Variants in MCF2 observed in about 807,000 individuals in gnomAD.
MCF2 encodes MCF.2 cell line derived transforming sequence.
In MCF2, 44 loss-of-function variants were observed where a neutral mutation model predicts 82.5. That is an observed-to-expected ratio of 0.53 (90% CI 0.42 to 0.69). The LOEUF (loss-of-function observed/expected upper bound fraction) is 0.69, where lower values mean the gene tolerates loss of function less well. Ranked by LOEUF, MCF2 falls within the 30% of genes least tolerant of loss-of-function variation. The pLI is 0.00. For synonymous variants in MCF2, 217 were observed against 224.9 expected (o/e 0.96, Z 0.32); for missense variants, 623 against 663.1 (o/e 0.94, Z 0.66).
chrX:139,645,754 G>T (rs1933781745), upstream of MCF2: 1 of 499,018 alleles, frequency 2.0e-6, no homozygotes, highest in Non-Finnish European at 3.4e-6. Context: ...ATCTACATTT[G>T]ATGTCTTGAC....
chrX:139,653,169 T>C (rs1934088455), intron 1 of MCF2, among the ~76,000 whole-genome samples: 1 of 112,096 alleles, frequency 8.9e-6, no homozygotes, highest in East Asian at 2.8e-4. Flanking sequence ...AATGTGTTTA[T>C]AACAGCTACA....
At chrX:139,697,374 G>A (rs867238538) in intron 1 of MCF2, among the ~76,000 whole-genome samples, 15 of 112,038 alleles carry the variant, frequency 1.3e-4, no homozygotes, top group African/African-American at 4.9e-4. Context: ...ATCCAGCCAT[G>A]ACTGAAGAAA....
chrX:139,651,786 T>C lies in MCF2; in HGVS notation c.-42A>G, dbSNP rs372656291. ...TCCTTTATACGGAGGAGCAGATCGG[T>C]TTCTATGACAAACGAAAATAGAAGA... On this transcript the variant is annotated splice_region_variant and 5_prime_UTR_variant, in exon 2 of 28. Coordinates refer to the MCF2 transcript ENST00000414978. 21 of 1,127,024 alleles carry C rather than the reference T, an allele frequency of 1.9e-5. No homozygotes were observed. The highest frequency in any genetic ancestry group is 2.5e-5 in the Non-Finnish European group (21 of 839,208). 92.9% of individuals were successfully genotyped at this position (1,127,024 alleles called of 1,213,427 possible). A position where few individuals can be genotyped will look rare whatever the true frequency, so the allele number is the denominator to read the frequency against.
chrX:139,621,389 G>A (rs984615596), intron 6 of MCF2, among the ~76,000 whole-genome samples: 9 of 111,528 alleles, frequency 8.1e-5, no homozygotes, highest in Non-Finnish European at 1.7e-4. Flanking sequence ...AACCAAAGAA[G>A]CTATCAACAG....
rs776716306 is a variant in MCF2, at chrX:139,692,223, G to A, written c.-45+15883C>T. 5.9e-6 allele frequency: 4 copies of A among 678,850 alleles called. No individual in the cohort carries two copies. In the East Asian group the frequency reaches 1.1e-4, roughly 19 times the overall value. The allele number at this position is 678,850 out of a possible 1,213,427, so 55.9% of individuals were successfully genotyped here. On this transcript the variant is annotated intron_variant, in intron 1 of 27. Transcript: ENST00000414978. ...CCGGGCAGGGCCGCTACTCCAGCCA[G>A]CAGCTGCCCAGCTCTGACCCGCGCG...
chrX:139,631,696 T>C (rs1026509564), intron 2 of MCF2, among the ~76,000 whole-genome samples, 185 bp from the exon 6 acceptor site: 4 of 111,694 alleles, frequency 3.6e-5, no homozygotes, highest in Non-Finnish European at 7.5e-5. Context: ...ACAGTTTCTA[T>C]TTACAAAACA....
intron 1 of MCF2, among the ~76,000 whole-genome samples, chrX:139,682,038 A>G (rs192528357): frequency 1.6e-3 from 175 of 112,228 alleles, no homozygotes; most frequent in African/African-American, 5.4e-3. Flanking sequence ...GAAAACAAAA[A>G]CAGGAAAAAG....
chrX:139,597,420 C>T (rs755695533), intron 18 of MCF2, 40 bp downstream of exon 22: 20 of 1,092,712 alleles, frequency 1.8e-5, no homozygotes, highest in Middle Eastern at 2.6e-4. Flanking sequence ...GTTGAGATGC[C>T]GACCCTCTAA....
At chrX:139,675,281 C>T (rs962267179) in intron 1 of MCF2, among the ~76,000 whole-genome samples, 12 of 112,177 alleles carry the variant, frequency 1.1e-4, no homozygotes, top group Non-Finnish European at 2.1e-4. Context: ...TTATTACCGA[C>T]CTTCTGAAGC....
At chrX:139,589,421 C>A (rs1929293186) in intron 20 of MCF2, among the ~76,000 whole-genome samples, 1 of 111,910 alleles carries the variant, frequency 8.9e-6, no homozygotes, top group Non-Finnish European at 1.9e-5. Context: ...CTGGCCAGGG[C>A]TTTAACCATG....
At chrX:139,662,259 A>G (rs1016665419) in intron 1 of MCF2, among the ~76,000 whole-genome samples, 1 of 110,147 alleles carries the variant, frequency 9.1e-6, no homozygotes, top group Non-Finnish European at 1.9e-5. Flanking sequence ...GGAATATAAT[A>G]CTATTGAAGT....
chrX:139,637,802 T>C (rs1167051215), intron 1 of MCF2, among the ~76,000 whole-genome samples: 1 of 111,595 alleles, frequency 9.0e-6, no homozygotes, highest in Non-Finnish European at 1.9e-5. Flanking sequence ...AGAGACTTTA[T>C]AAATGTGATT....
intron 1 of MCF2, among the ~76,000 whole-genome samples, chrX:139,707,380 C>T (rs1441350662): frequency 1.8e-5 from 2 of 110,772 alleles, no homozygotes; most frequent in African/African-American, 6.6e-5. Context: ...CACTAGAGAC[C>T]CTGCTTTAAA....
chrX:139,589,246 G>T (rs758113539), intron 20 of MCF2, among the ~76,000 whole-genome samples: 10 of 111,764 alleles, frequency 8.9e-5, no homozygotes, highest in Non-Finnish European at 3.8e-5. Context: ...TTTATAGATT[G>T]CAGTCACCTA....
In MCF2 at chrX:139,597,610, T is replaced by C. The variant is rs6635893; in HGVS notation, c.1930-25A>G. 3,556 of 1,099,933 alleles carry C rather than the reference T, an allele frequency of 3.2e-3. 72 individuals are homozygous for C. In the African/African-American group the frequency reaches 0.059, roughly 18 times the overall value. 90.6% of individuals were successfully genotyped at this position (1,099,933 alleles called of 1,213,427 possible). A position where few individuals can be genotyped will look rare whatever the true frequency, so the allele number is the denominator to read the frequency against. On this transcript the variant is annotated intron_variant, in intron 17 of 24. Transcript: ENST00000370576. The stretch of plus-strand genomic sequence containing the variant: ...CCTGTAATTAGAAATCAGGAATTAA[T>C]ATTAGGCAGATATTAATATCTGGTT...
intron 1 of MCF2, among the ~76,000 whole-genome samples, chrX:139,676,977 A>C (rs1368546321): frequency 9.0e-6 from 1 of 111,451 alleles, no homozygotes; most frequent in African/African-American, 3.3e-5. Flanking sequence ...GTGCCAAGGA[A>C]AGGCCATCTC....
At chrX:139,655,045 C>CT (rs1327357977) in intron 1 of MCF2, among the ~76,000 whole-genome samples, 9 of 111,955 alleles carry the variant, frequency 8.0e-5, no homozygotes, top group Admixed American at 1.9e-4. Context: ...GTCAATACAG[C>CT]TTTGTAGCAA....
upstream of MCF2, among the ~76,000 whole-genome samples, chrX:139,644,355 C>T (rs907004374): frequency 2.7e-5 from 3 of 111,902 alleles, no homozygotes; most frequent in Non-Finnish European, 5.6e-5. Flanking sequence ...ATAGTGATAC[C>T]TACTTGCAGT....
Position 139,651,706 on chromosome X carries a change from G to T in MCF2, c.25+14C>A. 9.0e-7 allele frequency: 1 copy of T among 1,108,576 alleles called. No individual in the cohort carries two copies. The highest frequency in any genetic ancestry group is 3.2e-5 in the East Asian group (1 of 30,803). The allele number at this position is 1,108,576 out of a possible 1,213,427, so 91.4% of individuals were successfully genotyped here. A position where few individuals can be genotyped will look rare whatever the true frequency, so the allele number is the denominator to read the frequency against. On this transcript the variant is annotated intron_variant, in intron 2 of 27. Transcript: ENST00000414978. ...ATATATCTATCTGGACTATATATAAGAAAGTTTGCTTACCAGACAAGAAGG... is the reference window on the plus strand; with the variant it reads ...ATATATCTATCTGGACTATATATAATAAAGTTTGCTTACCAGACAAGAAGG...
Sources: gnomAD v4.1 joint callset for allele counts (sites outside exome capture counted in the v4.1 genomes callset) on GRCh38, gnomAD v4.1.1 for gene constraint, MANE v1.5 for transcripts, NCBI Gene and HGNC (gene_info 2026-07-23, HGNC 2026-07-21) for gene names.